The following LRP1B variants were observed in gnomAD, a reference collection of about 807,000 sequenced individuals.
The protein encoded by LRP1B is low-density lipoprotein receptor-related protein 1B.
In LRP1B, 217 loss-of-function variants were observed where a neutral mutation model predicts 556.6. That is an observed-to-expected ratio of 0.39 (90% CI 0.35 to 0.44). The LOEUF is 0.44. Among genes scored for constraint, LRP1B ranks in the 20% least tolerant of loss-of-function variants. The pLI is 1.00. For synonymous variants in LRP1B, 2,047 were observed against 1,865.8 expected, an observed-to-expected ratio of 1.10 and a Z score of -2.50; for missense variants, 5,053 against 5,620.8, an observed-to-expected ratio of 0.90 and a Z score of 3.23.
chr2:142,059,132 T>A (rs1349989073), intron 1 of LRP1B, among the ~76,000 whole-genome samples: 1 of 152,100 alleles, frequency 6.6e-6, no homozygotes, highest in East Asian at 1.9e-4. Flanking sequence ...GATTCCTGCT[T>A]GCCTAAGATT....
chr2:141,345,420 C>T (rs923685456), intron 3 of LRP1B, among the ~76,000 whole-genome samples: 1 of 151,932 alleles, frequency 6.6e-6, no homozygotes, highest in Non-Finnish European at 1.5e-5. Flanking sequence ...TTATTTGACA[C>T]AATTCTATTT....
chr2:141,454,830 T>C (rs1394581800), intron 3 of LRP1B, among the ~76,000 whole-genome samples: 2 of 152,188 alleles, frequency 1.3e-5, no homozygotes, highest in Non-Finnish European at 2.9e-5. Flanking sequence ...TATACGAAGC[T>C]AGATCAATTT....
At chr2:141,871,982 A>G (rs1019697962) in intron 1 of LRP1B, among the ~76,000 whole-genome samples, 1 of 151,942 alleles carries the variant, frequency 6.6e-6, no homozygotes, top group Non-Finnish European at 1.5e-5. Flanking sequence ...TGGGAAAGAG[A>G]AGAGGCGATG....
At chr2:141,523,170 G>C (rs1684583468) in intron 2 of LRP1B, among the ~76,000 whole-genome samples, 1 of 151,252 alleles carries the variant, frequency 6.6e-6, no homozygotes, top group South Asian at 2.1e-4. Flanking sequence ...ATTTAAACAT[G>C]CTCAGGGCAT....
Position 140,462,914 on chromosome 2 carries a change from C to T in LRP1B, c.9626-5263G>A, listed in dbSNP as rs115849407. On this transcript the variant is annotated intron_variant, in intron 60 of 90. Coordinates refer to ENST00000389484, the MANE Select transcript of LRP1B (RefSeq NM_018557.3). ...GATCCCCTCTTTTGAGAGACCCTGA[C>T]ACTAATAATTTCCCCTGATATTTTT... is the stretch of plus-strand genomic sequence containing the variant. Among the ~76,000 whole-genome samples, 450 of 152,206 alleles carry T rather than the reference C, an allele frequency of 3.0e-3. 3 individuals are homozygous for T. The highest frequency in any genetic ancestry group is 0.01 in the African/African-American group (433 of 41,524).
chr2:140,276,672 A>G (rs956900936), intron 84 of LRP1B, among the ~76,000 whole-genome samples: 2 of 151,944 alleles, frequency 1.3e-5, no homozygotes, highest in Non-Finnish European at 2.9e-5. Context: ...ATTGTCCCCA[A>G]CTGCTTTAAA....
At chr2:141,506,809 A>C (rs1411495077) in intron 2 of LRP1B, among the ~76,000 whole-genome samples, 1 of 152,134 alleles carries the variant, frequency 6.6e-6, no homozygotes. Context: ...GTTATTAAAA[A>C]GTGCCCTTGG....
chr2:141,278,136 T>C (rs1437216707), intron 3 of LRP1B, among the ~76,000 whole-genome samples: 1 of 152,188 alleles, frequency 6.6e-6, no homozygotes, highest in African/African-American at 2.4e-5. Context: ...AGACTCATTA[T>C]ATGTACTCTA....
At chr2:141,189,221 T>C (rs1257240472) in intron 6 of LRP1B, among the ~76,000 whole-genome samples, 2 of 151,950 alleles carry the variant, frequency 1.3e-5, no homozygotes, top group African/African-American at 4.8e-5. Flanking sequence ...ACAGTGATGG[T>C]GAGAAAAGAA....
At chr2:141,146,725 G>T (rs1701792829) in intron 7 of LRP1B, among the ~76,000 whole-genome samples, 1 of 152,148 alleles carries the variant, frequency 6.6e-6, no homozygotes, top group Non-Finnish European at 1.5e-5. Flanking sequence ...GCAGCAATAT[G>T]ATATTAACGC....
At chr2:140,276,860 C>T (rs1187176117) in intron 84 of LRP1B, among the ~76,000 whole-genome samples, 1 of 151,748 alleles carries the variant, frequency 6.6e-6, no homozygotes, top group Non-Finnish European at 1.5e-5. Context: ...TCCCTGCCAC[C>T]CACTCCTAGA....
chr2:141,785,522 A>G (rs1331446055), intron 2 of LRP1B, among the ~76,000 whole-genome samples: 1 of 151,820 alleles, frequency 6.6e-6, no homozygotes, highest in East Asian at 1.9e-4. Flanking sequence ...CATAATCACA[A>G]CTATGTATAA....
chr2:141,588,267 G>C (rs181212283), intron 2 of LRP1B, among the ~76,000 whole-genome samples: 1 of 151,460 alleles, frequency 6.6e-6, no homozygotes, highest in Non-Finnish European at 1.5e-5. Flanking sequence ...TCATAAGAGT[G>C]TGTTGGCTCC....
intron 7 of LRP1B, among the ~76,000 whole-genome samples, chr2:141,066,705 T>C (rs905693608): frequency 6.6e-6 from 1 of 152,008 alleles, no homozygotes; most frequent in African/African-American, 2.4e-5. Context: ...TATAACTTAC[T>C]GACGGAATTT....
intron 11 of LRP1B, among the ~76,000 whole-genome samples, chr2:141,046,609 G>C (rs1462575039): frequency 2.0e-5 from 3 of 152,094 alleles, no homozygotes; most frequent in African/African-American, 7.2e-5. Context: ...ATGCCTGGCG[G>C]TCATTGTGGC....
intron 7 of LRP1B, among the ~76,000 whole-genome samples, chr2:141,156,790 G>A (rs1049992034): frequency 2.0e-5 from 3 of 152,068 alleles, no homozygotes; most frequent in African/African-American, 7.2e-5. Flanking sequence ...TGAATCTTGA[G>A]GGTAATTTTT....
chr2:140,538,370 C>T (rs76813165), intron 45 of LRP1B, among the ~76,000 whole-genome samples: 1 of 152,014 alleles, frequency 6.6e-6, no homozygotes, highest in African/African-American at 2.4e-5. Context: ...CCTTTGTCCA[C>T]CGTCTTTCTC....
intron 7 of LRP1B, among the ~76,000 whole-genome samples, chr2:141,141,735 AAC>A (rs1333400413): frequency 6.6e-6 from 1 of 152,202 alleles, no homozygotes; most frequent in East Asian, 1.9e-4. Flanking sequence ...GAGAAAATGA[AAC>A]AGTCACCAAG....
At chr2:141,118,266 CT>C (rs1213713235) in intron 7 of LRP1B, among the ~76,000 whole-genome samples, 4 of 151,820 alleles carry the variant, frequency 2.6e-5, no homozygotes, top group African/African-American at 9.7e-5. Flanking sequence ...AACAAAAACT[CT>C]TCTTGATTTT....
Sources: gnomAD v4.1 joint callset for allele counts (sites outside exome capture counted in the v4.1 genomes callset) on GRCh38, gnomAD v4.1.1 for gene constraint, MANE v1.5 for transcripts, NCBI Gene and HGNC (gene_info 2026-07-23, HGNC 2026-07-21) for gene names.